The following STAT2 variants were observed in gnomAD, a reference collection of about 807,000 sequenced individuals.
The protein encoded by STAT2 is interferon alpha induced transcriptional activator.
In STAT2, 51 loss-of-function variants were observed where a neutral mutation model predicts 122.3. That is an observed-to-expected ratio of 0.42 (90% CI 0.33 to 0.53). The LOEUF (loss-of-function observed/expected upper bound fraction) is 0.53, where lower values mean the gene tolerates loss of function less well. Ranked by LOEUF, STAT2 falls within the 20% of genes least tolerant of loss-of-function variation. STAT2 has a pLI of 0.10. For missense variants in STAT2, 736 were observed against 1,010.3 expected, an observed-to-expected ratio of 0.73 and a Z score of 3.68; for synonymous variants, 351 against 394.9, an observed-to-expected ratio of 0.89 and a Z score of 1.32.
At position 56,355,700 on chromosome 12, in the gene STAT2, G is replaced by A. The variant is rs553268444; in HGVS notation, c.381+8C>T. 3 of 1,613,464 alleles carry A rather than the reference G, an allele frequency of 1.9e-6. No individual in the cohort carries two copies. The highest frequency in any genetic ancestry group is 1.3e-5 in the African/African-American group (1 of 74,958). On this transcript the variant is annotated splice_region_variant and intron_variant, in intron 4 of 23. Transcript: ENST00000314128. Reference sequence around the variant, plus strand: ...GAGTTTCCAACATTACCACTGAATTGTCCTCACCAATTGGGCCCTCTGAGC... The same window carrying A: ...GAGTTTCCAACATTACCACTGAATTATCCTCACCAATTGGGCCCTCTGAGC...
At chr12:56,357,919 C>G (rs1290018317) in intron 1 of STAT2, among the ~76,000 whole-genome samples, 1 of 151,990 alleles carries the variant, frequency 6.6e-6, no homozygotes, top group East Asian at 1.9e-4. Context: ...CCAGGCAGAT[C>G]TCAAACTCCT....
At chr12:56,351,542 C>G (rs1023560013) in intron 8 of STAT2, 92 bp from the exon 9 acceptor site, 1 of 1,346,702 alleles carries the variant, frequency 7.4e-7, no homozygotes, top group South Asian at 1.4e-5. Context: ...TGTGAAGAGT[C>G]AGAAACTGAC....
intron 4 of STAT2, 34 bp from the exon 5 acceptor site, chr12:56,355,566 T>G (rs1457335219): frequency 6.2e-7 from 1 of 1,612,394 alleles, no homozygotes; most frequent in South Asian, 1.1e-5. Flanking sequence ...GTTTTAACTC[T>G]GGCCTTTCAT....
intron 8 of STAT2, chr12:56,352,371 T>TTGG (rs1565655623): frequency 0.011 from 305 of 28,348 alleles, no homozygotes; most frequent in Non-Finnish European, 0.016. Context: ...TTTTTTTTTT[T>TTGG]GGTGGGGGTG....
At chr12:56,348,826 AC>A (rs780837548) in intron 17 of STAT2, 22 bp from the exon 18 acceptor site, 5 of 1,614,102 alleles carry the variant, frequency 3.1e-6, no homozygotes, top group Non-Finnish European at 3.4e-6. Flanking sequence ...ATAGCCACAG[AC>A]AGATGATGAG....
At chr12:56,358,723 T>C (rs906746574) in intron 1 of STAT2, among the ~76,000 whole-genome samples, 3 of 152,202 alleles carry the variant, frequency 2.0e-5, no homozygotes, top group African/African-American at 7.2e-5. Context: ...AATATGATTA[T>C]AGGTTATCAA....
rs1157971570 is a variant in STAT2, at chr12:56,354,040, T to TATATAA, written c.782+425_782+426insTTATAT. 2.3e-3 allele frequency among the ~76,000 whole-genome samples: 121 copies of TATATAA among 53,334 alleles called. 5 individuals carry two copies. Among genetic ancestry groups the TATATAA allele is most frequent in the African/African-American group, 6.3e-3 (117 of 18,470 alleles). The allele number at this position is 53,334 out of a possible 152,430, so 35.0% of individuals were successfully genotyped here. ...AAATATATATATATATATATATATA[T>TATATAA]AAAAAATACTGTTAAGCTTAAAAAA... On this transcript the variant is annotated intron_variant, in intron 8 of 23. Coordinates refer to ENST00000314128, the MANE Select transcript of STAT2 (RefSeq NM_005419.4).
chr12:56,359,988 G>A (rs1441638067), intron 1 of STAT2, 70 bp downstream of exon 1: 35 of 957,084 alleles, frequency 3.7e-5, no homozygotes, highest in Admixed American at 1.8e-4. Context: ...GGGGCCAGTC[G>A]CCCTTCCCTC....
chr12:56,350,227 G>C, intron 12 of STAT2, 37 bp from the exon 13 acceptor site: 1 of 1,493,378 alleles, frequency 6.7e-7, no homozygotes, highest in African/African-American at 1.4e-5. Flanking sequence ...ACAAGGAATG[G>C]AATTATTCTA....
At position 56,351,104 on chromosome 12, in the gene STAT2, C is replaced by T. The variant is rs897268737; in HGVS notation, c.1028G>A (p.Arg343Gln). ...ILKTGSKFTV[R>Q]TRLLVRLQEG... ...TGAGTTCTGGAATGCCAACCTTGTT[C>T]GGACGGTGAACTTGCTGCCAGTCTT... Residue 343 changes from arginine to glutamine, a missense_variant, in exon 10 of 24, where the codon CGA becomes CAA. Coordinates refer to ENST00000314128, the MANE Select transcript of STAT2 (RefSeq NM_005419.4). 9 of 1,613,598 alleles carry T rather than the reference C, an allele frequency of 5.6e-6. No homozygotes were observed. The highest frequency in any genetic ancestry group is 7.6e-6 in the Non-Finnish European group (9 of 1,179,816).
intron 8 of STAT2, among the ~76,000 whole-genome samples, chr12:56,353,978 A>G (rs1159726863): frequency 2.4e-5 from 3 of 124,914 alleles, no homozygotes; most frequent in African/African-American, 9.0e-5. Flanking sequence ...CCTGGGCAAC[A>G]GAGAGAGACT....
intron 18 of STAT2, 33 bp downstream of exon 18, chr12:56,348,719 G>A (rs748780133): frequency 1.2e-6 from 2 of 1,614,118 alleles, no homozygotes; most frequent in Admixed American, 3.3e-5. Context: ...ATGTGGGCTA[G>A]ATCCAGCAGC....
rs1389759417 is a variant in STAT2 at position 56,342,543 on chromosome 12, T to C, written c.*846A>G. ...AGGTTGAGGCTGCAGTGAGCTGTGA[T>C]TGCACCATTGCACTCTAGCCTGGGC... is the stretch of plus-strand genomic sequence containing the variant. On this transcript the variant is annotated 3_prime_UTR_variant, in exon 24 of 24. Coordinates refer to ENST00000314128, the MANE Select transcript of STAT2 (RefSeq NM_005419.4). The C allele has an allele frequency of 2.0e-5, 3 of 152,062 alleles. No homozygotes were observed. Among genetic ancestry groups the C allele is most frequent in the Non-Finnish European group, 4.4e-5 (3 of 68,096 alleles). The allele number at this position is 152,062 out of a possible 1,614,324, so 9.4% of individuals were successfully genotyped here.
intron 21 of STAT2, 28 bp downstream of exon 21, chr12:56,346,414 A>T (rs1441787705): frequency 1.2e-6 from 2 of 1,613,182 alleles, no homozygotes; most frequent in Non-Finnish European, 1.7e-6. Flanking sequence ...TCTGCAATCT[A>T]GCAATGAAGT....
chr12:56,344,831 CCT>C (rs1467250182), intron 22 of STAT2, among the ~76,000 whole-genome samples: 9 of 152,196 alleles, frequency 5.9e-5, no homozygotes, highest in African/African-American at 1.9e-4. Context: ...ATGGTAAAAC[CCT>C]GTCTCTACTA....
rs1458224681 is a variant in STAT2 at position 56,355,472 on chromosome 12, G to A, written c.442C>T (p.Arg148Trp). ...VESQQHEIES[R>W]ILDLRAMMEK... is the part of the protein sequence containing the mutation. ...ATCATAGCCCTTAAATCCAGGATCC[G>A]GGATTCAATCTCATGTTGCTGGCTC... The change falls in exon 5 of 24, where the codon CGG (arginine) becomes TGG (tryptophan). Residue 148 changes from arginine (R) to tryptophan (W), a missense_variant. Arg to Trp is a moderately radical substitution (Grantham distance 101). Coordinates refer to ENST00000314128, the MANE Select transcript of STAT2 (RefSeq NM_005419.4). The A allele has an allele frequency of 3.1e-6, 5 of 1,613,974 alleles. No homozygotes were observed. The highest frequency in any genetic ancestry group is 3.3e-5 in the Admixed American group (2 of 60,000).
At chr12:56,346,262 G>C in intron 21 of STAT2, 59 bp from the exon 22 acceptor site, 1 of 1,603,622 alleles carries the variant, frequency 6.2e-7, no homozygotes, top group Non-Finnish European at 8.5e-7. Flanking sequence ...ATAGCCTGAG[G>C]TTCCCCTAGT....
At position 56,343,915 on chromosome 12, in the gene STAT2, G is replaced by A. The variant is rs1311671194; in HGVS notation, c.2323C>T (p.Pro775Ser). The change falls in exon 23 of 24, where the codon CCA (proline) becomes TCA (serine). Residue 775 changes from proline (P) to serine (S), a missense_variant. Transcript: ENST00000314128. ...GATACAGGTCCTTGGTCTGGCTCTG[G>A]CACTGTTTGTGATACCATGCATAGT... is the stretch of plus-strand genomic sequence containing the variant. ...PTLCMVSQTV[P>S]EPDQGPVSQP... 3 of 1,614,074 alleles carry A rather than the reference G, an allele frequency of 1.9e-6. No individual in the cohort carries two copies. The highest frequency in any genetic ancestry group is 8.5e-7 in the Non-Finnish European group (1 of 1,180,052).
intron 15 of STAT2, 27 bp from the exon 16 acceptor site, chr12:56,349,288 A>C: frequency 6.2e-7 from 1 of 1,614,094 alleles, no homozygotes; most frequent in Middle Eastern, 1.6e-4. Context: ...AGTCACAGAG[A>C]GGGATGTGAT....
Sources: gnomAD v4.1 joint callset for allele counts (sites outside exome capture counted in the v4.1 genomes callset) on GRCh38, gnomAD v4.1.1 for gene constraint, MANE v1.5 for transcripts, NCBI Gene and HGNC (gene_info 2026-07-23, HGNC 2026-07-21) for gene names.